KHDRBS2: variants seen among roughly 807,000 people sequenced by gnomAD.
KHDRBS2 encodes the protein KH domain-containing, RNA-binding, signal transduction-associated protein 2.
In KHDRBS2, 26 loss-of-function variants were observed where a neutral mutation model predicts 44.3. That is an observed-to-expected ratio of 0.59 (90% CI 0.43 to 0.81). The LOEUF (loss-of-function observed/expected upper bound fraction) is 0.81. Ranked by LOEUF, KHDRBS2 falls within the 40% of genes least tolerant of loss-of-function variation. KHDRBS2 has a pLI of 0.00. For missense variants in KHDRBS2, 476 were observed against 433.1 expected, an observed-to-expected ratio of 1.10 and a Z score of -0.88; for synonymous variants, 194 against 151.1, an observed-to-expected ratio of 1.28 and a Z score of -2.08.
the KHDRBS2 span, among the ~76,000 whole-genome samples, chr6:61,650,804 A>G: frequency 6.6e-6 from 1 of 152,142 alleles, no homozygotes; most frequent in East Asian, 1.9e-4. Flanking sequence ...AGTAATTATC[A>G]TCATTAGGTG....
the KHDRBS2 span, among the ~76,000 whole-genome samples, chr6:61,553,657 C>T: frequency 6.6e-6 from 1 of 152,010 alleles, no homozygotes; most frequent in African/African-American, 2.4e-5. Flanking sequence ...ATAAATTTCC[C>T]TCTTGTCACC....
intron 2 of KHDRBS2, among the ~76,000 whole-genome samples, chr6:62,130,195 C>T (rs1466771749): frequency 2.0e-5 from 3 of 151,992 alleles, no homozygotes; most frequent in South Asian, 2.1e-4. Flanking sequence ...AAAATTAGGG[C>T]CATAATTGTG....
intron 6 of KHDRBS2, among the ~76,000 whole-genome samples, chr6:61,864,234 C>A (rs1356907715): frequency 6.6e-6 from 1 of 152,118 alleles, no homozygotes; most frequent in African/African-American, 2.4e-5. Context: ...ATCCAGCTTG[C>A]CACTCTGTGT....
chr6:61,596,100 C>T, the KHDRBS2 span, among the ~76,000 whole-genome samples: 3 of 152,106 alleles, frequency 2.0e-5, no homozygotes, highest in African/African-American at 4.8e-5. Flanking sequence ...GCTGTAGACA[C>T]ACCTCTCCAT....
chr6:61,715,732 G>A (rs576837197), intron 7 of KHDRBS2, among the ~76,000 whole-genome samples: 80 of 150,922 alleles, frequency 5.3e-4, no homozygotes, highest in Non-Finnish European at 9.7e-4. Context: ...TTTACAAATA[G>A]TCCTCTGTAT....
the KHDRBS2 span, among the ~76,000 whole-genome samples, chr6:61,584,309 G>C: frequency 6.6e-6 from 1 of 151,738 alleles, no homozygotes; most frequent in South Asian, 2.1e-4. Flanking sequence ...AAAAGAAAGC[G>C]TTTAATATTT....
the KHDRBS2 span, among the ~76,000 whole-genome samples, chr6:61,632,963 T>C: frequency 6.6e-6 from 1 of 152,136 alleles, no homozygotes; most frequent in Non-Finnish European, 1.5e-5. Flanking sequence ...AAAAAAGAAC[T>C]GAGTAAAAGC....
At chr6:62,228,031 C>T (rs1265010339) in intron 1 of KHDRBS2, among the ~76,000 whole-genome samples, 1 of 152,082 alleles carries the variant, frequency 6.6e-6, no homozygotes, top group Non-Finnish European at 1.5e-5. Flanking sequence ...ATAATGCTGG[C>T]CTCATGAAAT....
chr6:61,946,308 C>T (rs1018848506), intron 4 of KHDRBS2, among the ~76,000 whole-genome samples: 6 of 152,160 alleles, frequency 3.9e-5, no homozygotes, highest in South Asian at 4.1e-4. Flanking sequence ...TATTTAACAA[C>T]GCACCAAAAC....
chr6:62,169,034 C>CATATATATATATATATATATAT (rs369570219), intron 2 of KHDRBS2, among the ~76,000 whole-genome samples: 63 of 72,544 alleles, frequency 8.7e-4, no homozygotes, highest in South Asian at 2.0e-3. Context: ...GTTCTCCAGT[C>CATATATATATATATATATATAT]ATATATATAT....
chr6:62,182,009 T>C (rs1412588149), intron 1 of KHDRBS2, among the ~76,000 whole-genome samples: 4 of 151,966 alleles, frequency 2.6e-5, no homozygotes, highest in Non-Finnish European at 5.9e-5. Context: ...AGGGAGCTCA[T>C]TCACCCCTTC....
chr6:62,103,585 C>G (rs568006708), intron 2 of KHDRBS2, among the ~76,000 whole-genome samples: 1 of 125,810 alleles, frequency 7.9e-6, no homozygotes. Flanking sequence ...GATGTCTGGT[C>G]TGGGTCCAGA....
At chr6:61,655,918 C>T in the KHDRBS2 span, among the ~76,000 whole-genome samples, 18 of 152,080 alleles carry the variant, frequency 1.2e-4, no homozygotes, top group Middle Eastern at 3.4e-3. Flanking sequence ...TTTTGATAAA[C>T]GCCATTGCCT....
At chr6:61,754,806 T>A in intron 6 of KHDRBS2, among the ~76,000 whole-genome samples, 1 of 152,142 alleles carries the variant, frequency 6.6e-6, no homozygotes, top group Admixed American at 6.5e-5. Flanking sequence ...TTTAGGGATA[T>A]CTTTCTTAAA....
At chr6:61,851,360 A>G (rs1401275975) in intron 6 of KHDRBS2, among the ~76,000 whole-genome samples, 1 of 152,056 alleles carries the variant, frequency 6.6e-6, no homozygotes, top group African/African-American at 2.4e-5. Flanking sequence ...GGCTTTTGGC[A>G]TCTGTATGTT....
At chr6:62,260,599 T>TA (rs1439637998) in intron 1 of KHDRBS2, among the ~76,000 whole-genome samples, 1 of 151,890 alleles carries the variant, frequency 6.6e-6, no homozygotes, top group African/African-American at 2.4e-5. Flanking sequence ...GAATTTTTTT[T>TA]AAAAAAAGAA....
chr6:62,171,575 G>A (rs1173577528), intron 2 of KHDRBS2, among the ~76,000 whole-genome samples: 6 of 152,054 alleles, frequency 3.9e-5, no homozygotes, highest in Non-Finnish European at 8.8e-5. Context: ...TTCAGGAAAT[G>A]CAGAGAACCA....
chr6:61,876,167 ATGCCTTAC>A (rs1253203146), intron 6 of KHDRBS2, among the ~76,000 whole-genome samples: 1 of 152,058 alleles, frequency 6.6e-6, no homozygotes, highest in Non-Finnish European at 1.5e-5. Context: ...TGTTCCCTCT[ATGCCTTAC>A]TGATTGCTGA....
At chr6:62,225,915 ACTTT>A (rs1239161570) in intron 1 of KHDRBS2, among the ~76,000 whole-genome samples, 7 of 152,146 alleles carry the variant, frequency 4.6e-5, no homozygotes, top group African/African-American at 1.7e-4. Context: ...TATGTACAAC[ACTTT>A]CTTTATTCAG....
Sources: allele counts gnomAD v4.1 joint callset (sites outside exome capture counted in the v4.1 genomes callset), GRCh38; gene constraint gnomAD v4.1.1; transcripts MANE v1.5; gene names NCBI Gene and HGNC (gene_info 2026-07-23, HGNC 2026-07-21).